The following EML1 variants were observed in gnomAD, a reference collection of about 807,000 sequenced individuals.
EML1 encodes the protein echinoderm microtubule-associated protein-like 1.
Under a neutral mutation model 110.4 loss-of-function variants are expected in EML1, and 27 were observed. The observed-to-expected ratio is 0.24, with a 90% CI of 0.18 to 0.34. The LOEUF (loss-of-function observed/expected upper bound fraction) is 0.34. Ranked by LOEUF, EML1 falls within the 10% of genes least tolerant of loss-of-function variation. The probability of loss-of-function intolerance (pLI) is 1.00; values close to 1 mark genes in which losing one functional copy is unlikely to be tolerated. For synonymous variants in EML1, 344 were observed against 385.8 expected (o/e 0.89, Z 1.27); for missense variants, 741 against 1,030.9 (o/e 0.72, Z 3.85).
intron 1 of EML1, among the ~76,000 whole-genome samples, chr14:99,804,463 G>A (rs1187638332): frequency 1.3e-5 from 2 of 152,160 alleles, no homozygotes; most frequent in African/African-American, 2.4e-5. Flanking sequence ...CATTTTGACC[G>A]ACAAGGAAAC....
chr14:99,839,816 C>T (rs12890779), intron 1 of EML1, among the ~76,000 whole-genome samples: 52,869 of 152,006 alleles, frequency 0.35, 9,733 homozygotes, highest in South Asian at 0.49. Context: ...ACGTCAGAGC[C>T]GGAGCTCTTG....
chr14:99,766,356 G>C (rs1054513499), intron 1 of EML1, among the ~76,000 whole-genome samples: 3 of 151,998 alleles, frequency 2.0e-5, no homozygotes, highest in Admixed American at 6.6e-5. Flanking sequence ...CACCATGCCA[G>C]CTAATTTTTG....
Position 99,850,959 on chromosome 14 carries a change from T to C in EML1, c.174T>C (p.Ala58=). The C allele has an allele frequency of 6.2e-7, 1 of 1,614,132 alleles. No individual in the cohort carries two copies. Among genetic ancestry groups the C allele is most frequent in the Non-Finnish European group, 8.5e-7 (1 of 1,180,022 alleles). Residue 58 remains alanine (A), a synonymous_variant, in exon 2 of 22, where the codon GCT becomes GCC. Coordinates refer to ENST00000262233, the MANE Select transcript of EML1 (RefSeq NM_004434.3). ...ACGACATCCAGCTGCTCAAATCAGC[T>C]CTAGCTGATGTGGTTCGGCGGCTGA... ...QEDDIQLLKS[A]LADVVRRLNI...
At chr14:99,937,752 C>T in intron 19 of EML1, 65 bp from the exon 20 acceptor site, 3 of 1,472,048 alleles carry the variant, frequency 2.0e-6, no homozygotes, top group Non-Finnish European at 2.8e-6. Context: ...TCTGGGGGCT[C>T]AGCCTTGCTT....
chr14:99,917,843 C>G lies in EML1; in HGVS notation c.1814C>G (p.Thr605Ser), dbSNP rs769606640. The change falls in exon 16 of 22, where the codon ACT becomes AGT. Residue 605 changes from threonine (T) to serine (S), a missense_variant. This residue lies in a region of EML1 where 388 missense variants were observed against 605.6 expected (regional missense o/e 0.64). Transcript: ENST00000262233. ...SGSVVAVGTL[T>S]GRWFVFDTET... Reference sequence around the variant, plus strand: ...TCTGTGGTTGCAGTCGGAACACTCACTGGGAGGTAAGTCCATGCCAACAGC... The same window carrying G: ...TCTGTGGTTGCAGTCGGAACACTCAGTGGGAGGTAAGTCCATGCCAACAGC... 2.5e-6 allele frequency: 4 copies of G among 1,614,074 alleles called. No homozygotes were observed. In the African/African-American group the frequency reaches 5.3e-5, roughly 22 times the overall value.
At chr14:99,934,394 A>C (rs1174500470) in intron 17 of EML1, among the ~76,000 whole-genome samples, 1 of 152,242 alleles carries the variant, frequency 6.6e-6, no homozygotes, top group Non-Finnish European at 1.5e-5. Context: ...CCTTGGTCTT[A>C]CATCGCCCCT....
intron 1 of EML1, among the ~76,000 whole-genome samples, chr14:99,805,602 G>C (rs2057956937): frequency 6.6e-6 from 1 of 152,068 alleles, no homozygotes; most frequent in South Asian, 2.1e-4. Context: ...AGCCTCCTAA[G>C]TAGCTGGGAC....
chr14:99,824,012 C>T (rs1409144214), intron 1 of EML1, among the ~76,000 whole-genome samples: 6 of 151,994 alleles, frequency 3.9e-5, no homozygotes, highest in South Asian at 2.1e-4. Context: ...AATGGAGTGC[C>T]GTGGCGCGAT....
At chr14:99,810,963 A>G (rs1430480579) in intron 1 of EML1, among the ~76,000 whole-genome samples, 1 of 152,160 alleles carries the variant, frequency 6.6e-6, no homozygotes, top group South Asian at 2.1e-4. Context: ...ATTGTCAGTT[A>G]AAGAAAAAAC....
intron 17 of EML1, among the ~76,000 whole-genome samples, 189 bp downstream of exon 17, chr14:99,921,066 C>T (rs767574903): frequency 2.2e-4 from 34 of 152,268 alleles, no homozygotes; most frequent in Middle Eastern, 3.4e-3. Flanking sequence ...GATGCTCTCC[C>T]TCCCCCTCGC....
At chr14:99,911,358 T>C in intron 12 of EML1, 64 bp from the exon 13 acceptor site, 1 of 1,522,494 alleles carries the variant, frequency 6.6e-7, no homozygotes, top group Non-Finnish European at 8.8e-7. Context: ...TCAGATGAGA[T>C]TAGAAAATGG....
chr14:99,770,933 C>T (rs1301978129), upstream of EML1, among the ~76,000 whole-genome samples: 4 of 151,910 alleles, frequency 2.6e-5, no homozygotes, highest in South Asian at 4.2e-4. Context: ...TACAGGCGCC[C>T]GCCACTACGC....
intron 9 of EML1, 100 bp from the exon 10 acceptor site, chr14:99,907,538 C>A: frequency 1.0e-6 from 1 of 1,004,928 alleles, no homozygotes; most frequent in Non-Finnish European, 1.5e-6. Flanking sequence ...TACAATGTAG[C>A]AGACTCTTTA....
chr14:99,755,469 A>G (rs2057238183), intron 1 of EML1, among the ~76,000 whole-genome samples: 1 of 152,042 alleles, frequency 6.6e-6, no homozygotes, highest in African/African-American at 2.4e-5. Context: ...TGACATCCTC[A>G]TCTGGTGGTT....
In EML1 at chr14:99,793,526, T is replaced by C; in HGVS notation, c.50T>C (p.Leu17Pro). The change falls in exon 1 of 22, where the codon CTG (leucine) becomes CCG (proline). Residue 17 changes from leucine (L) to proline (P), a missense_variant. By Grantham distance (98) the Leu-to-Pro change is moderately conservative. This residue lies in a region of EML1 where 226 missense variants were observed against 255.6 expected (regional missense o/e 0.88). Coordinates refer to ENST00000262233, the MANE Select transcript of EML1 (RefSeq NM_004434.3). ...SYSSLYDTSS[L>P]LQFCNDDSAS... ...AGCAGCCTGTACGACACGTCCTCGC[T>C]GCTCCAGTTCTGCAACGGTGAGGGG... 1 of 1,039,674 alleles carries C rather than the reference T, an allele frequency of 9.6e-7. No individual in the cohort carries two copies. The highest frequency in any genetic ancestry group is 1.2e-6 in the Non-Finnish European group (1 of 861,068). 64.4% of individuals were successfully genotyped at this position (1,039,674 alleles called of 1,614,324 possible).
intron 17 of EML1, among the ~76,000 whole-genome samples, chr14:99,924,796 G>A (rs925955727): frequency 6.6e-6 from 1 of 152,106 alleles, no homozygotes; most frequent in Non-Finnish European, 1.5e-5. Context: ...GCATGAATGG[G>A]GTTGGAGTTT....
At chr14:99,779,331 T>A (rs1297452181) in intron 1 of EML1, among the ~76,000 whole-genome samples, 1 of 152,238 alleles carries the variant, frequency 6.6e-6, no homozygotes, top group Non-Finnish European at 1.5e-5. Flanking sequence ...AGATGTTTTA[T>A]CATCTAATTT....
intron 1 of EML1, among the ~76,000 whole-genome samples, chr14:99,777,383 CT>C (rs2057494535): frequency 6.6e-6 from 1 of 152,096 alleles, no homozygotes; most frequent in South Asian, 2.1e-4. Context: ...TTACCCTTGC[CT>C]TTTGGTATGT....
At chr14:99,788,926 T>TG (rs747708002), upstream of EML1, among the ~76,000 whole-genome samples, 73 of 152,324 alleles carry the variant, frequency 4.8e-4, no homozygotes, top group Non-Finnish European at 9.1e-4. Context: ...TTTGCGCTTT[T>TG]GGGGACTGGT....
Sources: gnomAD v4.1 joint callset for allele counts (sites outside exome capture counted in the v4.1 genomes callset) on GRCh38, gnomAD v4.1.1 for gene constraint, gnomAD v4.1.1 regional missense constraint, MANE v1.5 for transcripts, NCBI Gene and HGNC (gene_info 2026-07-23, HGNC 2026-07-21) for gene names.